LYPLA1: variants seen among roughly 807,000 people sequenced by gnomAD.
LYPLA1 encodes lysophospholipase 1, also known as acyl-protein thioesterase 1.
A neutral mutation model predicts 34.0 loss-of-function variants in LYPLA1; 17 were observed. The observed-to-expected ratio is 0.50, with a 90% confidence interval of 0.34 to 0.75. The LOEUF (loss-of-function observed/expected upper bound fraction) is 0.75. LYPLA1 is among the 30% of genes least tolerant of loss of function. The pLI is 0.01. For synonymous variants in LYPLA1, 98 were observed against 100.8 expected (o/e 0.97, Z 0.17); for missense variants, 203 against 288.8 (o/e 0.70, Z 2.15).
intron 2 of LYPLA1, among the ~76,000 whole-genome samples, chr8:54,073,905 G>C (rs2129343275): frequency 6.6e-6 from 1 of 152,222 alleles, no homozygotes; most frequent in African/African-American, 2.4e-5. Context: ...CAGATTATTA[G>C]AGACTAATCC....
intron 2 of LYPLA1, among the ~76,000 whole-genome samples, chr8:54,089,516 A>T (rs1369296931): frequency 6.8e-6 from 1 of 147,652 alleles, no homozygotes; most frequent in African/African-American, 2.6e-5. Context: ...ATCTTTGAAC[A>T]TATGTGACAA....
At chr8:54,101,658 C>T in intron 1 of LYPLA1, 97 bp downstream of exon 1, 1 of 1,168,996 alleles carries the variant, frequency 8.6e-7, no homozygotes, top group Non-Finnish European at 1.1e-6. Context: ...TCCTCGTCCG[C>T]AGGCCGCCAC....
chr8:54,100,974 T>A, intron 1 of LYPLA1, 35 bp from the exon 2 acceptor site: 1 of 1,566,238 alleles, frequency 6.4e-7, no homozygotes, highest in Admixed American at 1.7e-5. Flanking sequence ...AAGCAATGCC[T>A]AAATAAGCCC....
downstream of LYPLA1, among the ~76,000 whole-genome samples, chr8:54,044,422 C>T (rs1368717220): frequency 3.3e-5 from 5 of 152,048 alleles, no homozygotes; most frequent in African/African-American, 4.8e-5. Context: ...TATTTAACTT[C>T]GTGTGTTGAC....
intron 5 of LYPLA1, among the ~76,000 whole-genome samples, chr8:54,055,336 A>T (rs1375665158): frequency 6.6e-6 from 1 of 152,160 alleles, no homozygotes; most frequent in Non-Finnish European, 1.5e-5. Context: ...AGGAAATTTT[A>T]AAAAAATCAA....
chr8:54,084,231 T>C (rs1477843315), intron 2 of LYPLA1, among the ~76,000 whole-genome samples: 2 of 148,876 alleles, frequency 1.3e-5, no homozygotes, highest in Non-Finnish European at 3.0e-5. Flanking sequence ...AAAAACTTTA[T>C]CCACAGTAAA....
chr8:54,055,000 G>A lies in LYPLA1; in HGVS notation c.360+60C>T, dbSNP rs147085721. On this transcript the variant is annotated intron_variant, in intron 6 of 8. Transcript: ENST00000316963. ...AGACTACTCTATAGAAAGGATTAATGCACAGACTTCTAAATAAGTATACTG... is the reference window on the plus strand; with the variant it reads ...AGACTACTCTATAGAAAGGATTAATACACAGACTTCTAAATAAGTATACTG... 6.0e-3 allele frequency: 6,016 copies of A among 1,006,492 alleles called. 43 individuals carry two copies. Among genetic ancestry groups the A allele is most frequent in the Middle Eastern group, 0.018 (61 of 3,420 alleles). 62.3% of individuals were successfully genotyped at this position (1,006,492 alleles called of 1,614,324 possible). A position where few individuals can be genotyped will look rare whatever the true frequency, so the allele number is the denominator to read the frequency against.
intron 4 of LYPLA1, 108 bp from the exon 5 acceptor site, chr8:54,062,432 GTTTTA>G (rs1345532438): frequency 4.7e-5 from 19 of 408,110 alleles, no homozygotes; most frequent in Non-Finnish European, 6.7e-5. Flanking sequence ...CCAGAAATAT[GTTTTA>G]TTTTATTTAA....
chr8:54,063,709 C>T (rs182865755), intron 3 of LYPLA1, among the ~76,000 whole-genome samples: 7 of 152,290 alleles, frequency 4.6e-5, no homozygotes, highest in East Asian at 1.9e-4. Context: ...CACGAGATTC[C>T]GGTATAGGGC....
intron 5 of LYPLA1, among the ~76,000 whole-genome samples, chr8:54,057,306 T>C (rs1485291341): frequency 6.6e-6 from 1 of 152,148 alleles, no homozygotes; most frequent in Non-Finnish European, 1.5e-5. Flanking sequence ...ATATATCTTT[T>C]GGGATATATA....
chr8:54,066,518 C>T (rs1177212224), intron 2 of LYPLA1, among the ~76,000 whole-genome samples: 1 of 152,032 alleles, frequency 6.6e-6, no homozygotes, highest in Non-Finnish European at 1.5e-5. Flanking sequence ...CAGTGGCTCA[C>T]GCCTGTAATC....
In LYPLA1 at chr8:54,051,045, G is replaced by T. The variant is rs1443321456; in HGVS notation, c.606C>A (p.Thr202=). The part of the protein sequence containing the change: ...LVNPANVTFK[T]YEGMMHSSCQ... ...ACGAACTGTGCATCATACCTTCATA[G>T]GTTTTAAAGGTCACATTGGCTGGAT... The change falls in exon 8 of 9, where the codon ACC becomes ACA. Residue 202 remains threonine, a synonymous_variant. Coordinates refer to ENST00000316963, the MANE Select transcript of LYPLA1 (RefSeq NM_006330.4). The T allele has an allele frequency of 2.9e-5, 46 of 1,613,630 alleles. No homozygotes were observed. The highest frequency in any genetic ancestry group is 1.7e-4 in the Middle Eastern group (1 of 6,056).
intron 1 of LYPLA1, chr8:54,101,484 G>C: frequency 7.2e-6 from 8 of 1,115,802 alleles, no homozygotes; most frequent in Non-Finnish European, 8.8e-6. Context: ...GGCTGACGCC[G>C]TGCCCTAGGC....
rs763152302 is a variant in LYPLA1, at chr8:54,048,019, A to G, written c.*46T>C. 6 of 1,359,046 alleles carry G rather than the reference A, an allele frequency of 4.4e-6. No homozygotes were observed. Among genetic ancestry groups the G allele is most frequent in the Non-Finnish European group, 6.3e-6 (6 of 952,186 alleles). The allele number at this position is 1,359,046 out of a possible 1,614,324, so 84.2% of individuals were successfully genotyped here. On this transcript the variant is annotated 3_prime_UTR_variant, in exon 9 of 9. Transcript: ENST00000316963. ...GGGCATGGGAAAAGGTTTACACTCT[A>G]CTACAATGATGCTGGTGTACTTCTA...
Position 54,071,787 on chromosome 8 carries a change from T to C in LYPLA1, c.102-5974A>G, listed in dbSNP as rs191062651. On this transcript the variant is annotated intron_variant, in intron 2 of 8. Coordinates refer to ENST00000316963, the MANE Select transcript of LYPLA1 (RefSeq NM_006330.4). ...CATGCTCATGGATAGGAAGAATCAATACTGTTAAATGGCCATACTGCCCAA... is the reference window on the plus strand; with the variant it reads ...CATGCTCATGGATAGGAAGAATCAACACTGTTAAATGGCCATACTGCCCAA... Among the ~76,000 whole-genome samples the C allele has an allele frequency of 1.4e-3, 207 of 152,236 alleles. 1 individual carries two copies. The highest frequency in any genetic ancestry group is 4.7e-3 in the African/African-American group (195 of 41,560).
Position 54,065,647 on chromosome 8 carries a change from A to G in LYPLA1, c.167+101T>C, listed in dbSNP as rs567459401. On this transcript the variant is annotated intron_variant, in intron 3 of 8. Transcript: ENST00000316963. ...TATTTTTAAACAATATTTAAAAAGT[A>G]AAAATTAACTGTATTCAAATACTTT... 8.2e-5 allele frequency: 61 copies of G among 744,128 alleles called. 1 individual carries two copies. The Admixed American group carries it at 1.4e-3, about 17-fold the overall frequency. 46.1% of individuals were successfully genotyped at this position (744,128 alleles called of 1,614,324 possible).
chr8:54,079,303 T>C (rs542747662), intron 2 of LYPLA1, among the ~76,000 whole-genome samples: 1 of 152,220 alleles, frequency 6.6e-6, no homozygotes, highest in Middle Eastern at 3.4e-3. Flanking sequence ...ATAATTTCAG[T>C]AGAATTAGGA....
chr8:54,090,565 T>A (rs536399204), intron 2 of LYPLA1, among the ~76,000 whole-genome samples: 63 of 152,268 alleles, frequency 4.1e-4, no homozygotes, highest in African/African-American at 1.5e-3. Context: ...CCTAAATCCC[T>A]CACTAACCTA....
intron 2 of LYPLA1, among the ~76,000 whole-genome samples, chr8:54,070,709 C>T (rs1563607838): frequency 6.6e-6 from 1 of 152,010 alleles, no homozygotes; most frequent in Non-Finnish European, 1.5e-5. Flanking sequence ...GGCGGCAGAG[C>T]GAGACTCCAT....
Sources: allele counts gnomAD v4.1 joint callset (sites outside exome capture counted in the v4.1 genomes callset), GRCh38; gene constraint gnomAD v4.1.1; transcripts MANE v1.5; gene names NCBI Gene and HGNC (gene_info 2026-07-23, HGNC 2026-07-21).